Variants in ASPM observed in about 807,000 individuals in gnomAD.
The protein encoded by ASPM is abnormal spindle-like microcephaly-associated protein.
A neutral mutation model predicts 366.4 loss-of-function variants in ASPM; 256 were observed. That is an observed-to-expected ratio of 0.70 (90% CI 0.63 to 0.77). The LOEUF is 0.77. Ranked by LOEUF, ASPM falls within the 30% of genes least tolerant of loss-of-function variation. The pLI is 0.00. For missense variants in ASPM, 4,146 were observed against 4,090.4 expected (o/e 1.01, Z -0.37); for synonymous variants, 1,414 against 1,342.9 (o/e 1.05, Z -1.16).
At position 197,105,239 on chromosome 1, in the gene ASPM, AAC is replaced by A. The variant is rs1258063049; in HGVS notation, c.4066-56_4066-55del. The stretch of plus-strand genomic sequence containing the variant: ...AAAATAGGCATAGCTTTCTATATTT[AAC>A]ACTTTTCAAAATACTAATTTTTCTA... On this transcript the variant is annotated intron_variant, in intron 17 of 27. Transcript: ENST00000367409. The A allele has an allele frequency of 8.9e-6, 12 of 1,351,950 alleles. No individual in the cohort carries two copies. In the African/African-American group the frequency reaches 1.6e-4, roughly 18 times the overall value. 83.7% of individuals were successfully genotyped at this position (1,351,950 alleles called of 1,614,324 possible). A position where few individuals can be genotyped will look rare whatever the true frequency, so the allele number is the denominator to read the frequency against.
At chr1:197,094,775 T>A (rs1656915358) in intron 19 of ASPM, among the ~76,000 whole-genome samples, 1 of 151,726 alleles carries the variant, frequency 6.6e-6, no homozygotes, top group Non-Finnish European at 1.5e-5. Flanking sequence ...TGGACAGGTT[T>A]TCTACTCTGT....
At chr1:197,093,303 A>G in intron 20 of ASPM, 42 bp from the exon 21 acceptor site, 1 of 1,515,386 alleles carries the variant, frequency 6.6e-7, no homozygotes, top group Non-Finnish European at 9.1e-7. Flanking sequence ...GGGTAGAAAG[A>G]AAAAGATTTC....
chr1:197,102,906 G>A lies in ASPM; in HGVS notation c.6345C>T (p.His2115=), dbSNP rs761923451. The A allele has an allele frequency of 6.2e-7, 1 of 1,612,688 alleles. No individual in the cohort carries two copies. The highest frequency in any genetic ancestry group is 8.5e-7 in the Non-Finnish European group (1 of 1,179,250). The part of the protein sequence containing the change: ...RGIRVRRHIQ[H]MHRAATFIKA... The stretch of plus-strand genomic sequence containing the variant: ...TAATAAAAGTGGCTGCCCTGTGCAT[G>A]TGTTGAATATGTCTTCTAACTCTAA... Residue 2115 remains histidine (H), a synonymous_variant, in exon 18 of 28, where the codon CAC becomes CAT. Coordinates refer to ENST00000367409, the MANE Select transcript of ASPM (RefSeq NM_018136.5).
rs1401832879 is a variant in ASPM at position 197,103,130 on chromosome 1, T to G, written c.6121A>C (p.Lys2041Gln). ...GTGACTGCTGCTTTGTTGCAATCCTTTATTCTTTTTCTCACTTTCATACCA... is the reference window on the plus strand; with the variant it reads ...GTGACTGCTGCTTTGTTGCAATCCTGTATTCTTTTTCTCACTTTCATACCA... ...YRGMKVRKRI[K>Q]DCNKAAVTIQ... The change falls in exon 18 of 28, where the codon AAG becomes CAG. Residue 2041 changes from lysine to glutamine, a missense_variant. Physicochemically the swap from Lys to Gln is moderately conservative, Grantham distance 53. This residue lies in a region of ASPM where 3,624 missense variants were observed against 3,591.7 expected (regional missense o/e 1.01). Coordinates refer to ENST00000367409, the MANE Select transcript of ASPM (RefSeq NM_018136.5). 6.2e-7 allele frequency: 1 copy of G among 1,612,822 alleles called. No homozygotes were observed. The highest frequency in any genetic ancestry group is 1.1e-5 in the South Asian group (1 of 91,056).
Position 197,103,903 on chromosome 1 carries a change from T to C in ASPM, c.5348A>G (p.Asn1783Ser). The change falls in exon 18 of 28, where the codon AAT (asparagine) becomes AGT (serine). Residue 1783 changes from asparagine to serine, a missense_variant. Physicochemically the swap from Asn to Ser is conservative, Grantham distance 46 (BLOSUM62 1). Transcript: ENST00000367409. ...KMYKAIIVIQNYYHAYKAQVN... is the reference protein window; with the variant it reads ...KMYKAIIVIQSYYHAYKAQVN... ...CTGTGCTTTGTATGCATGATAGTAA[T>C]TCTGAATGACAATAATTGCTTTATA... The C allele has an allele frequency of 6.2e-7, 1 of 1,612,802 alleles. No individual in the cohort carries two copies. Among genetic ancestry groups the C allele is most frequent in the South Asian group, 1.1e-5 (1 of 91,064 alleles).
rs1312073943 is a variant in ASPM, at chr1:197,100,422, T to C, written c.8820+9A>G. On this transcript the variant is annotated intron_variant, in intron 18 of 27. Transcript: ENST00000367409. The stretch of plus-strand genomic sequence containing the variant: ...CACAGTTTTATATTTAAATTAAATA[T>C]AGAAATACCTGAATTTTTATGGTGC... 21 of 1,460,230 alleles carry C rather than the reference T, an allele frequency of 1.4e-5. No homozygotes were observed. The highest frequency in any genetic ancestry group is 1.9e-5 in the Non-Finnish European group (20 of 1,079,524). The allele number at this position is 1,460,230 out of a possible 1,614,324, so 90.5% of individuals were successfully genotyped here. A position where few individuals can be genotyped will look rare whatever the true frequency, so the allele number is the denominator to read the frequency against.
chr1:197,133,043 T>C (rs766090144), intron 6 of ASPM, among the ~76,000 whole-genome samples: 3 of 152,066 alleles, frequency 2.0e-5, no homozygotes, highest in Non-Finnish European at 2.9e-5. Context: ...ATTCTGGAGA[T>C]CGAATGTACA....
chr1:197,121,969 G>A lies in ASPM; in HGVS notation c.3816C>T (p.Leu1272=), dbSNP rs1557955387. The change falls in exon 16 of 28, where the codon CTC becomes CTT. Residue 1272 remains leucine, a synonymous_variant. Transcript: ENST00000367409. Reference sequence around the variant, plus strand: ...TATATTTTCTCCATGTTGTTTGTATGAGTCGAGCAGCTCTTATTTCTTTAC... The same window carrying A: ...TATATTTTCTCCATGTTGTTTGTATAAGTCGAGCAGCTCTTATTTCTTTAC... The part of the protein sequence containing the change: ...DLRKEIRAAR[L]IQTTWRKYKL... The A allele has an allele frequency of 6.2e-7, 1 of 1,611,346 alleles. No individual in the cohort carries two copies. The highest frequency in any genetic ancestry group is 8.5e-7 in the Non-Finnish European group (1 of 1,177,798).
At position 197,100,972 on chromosome 1, in the gene ASPM, T is replaced by C. The variant is rs758282756; in HGVS notation, c.8279A>G (p.Asn2760Ser). The C allele has an allele frequency of 1.2e-6, 2 of 1,612,560 alleles. No individual in the cohort carries two copies. Among genetic ancestry groups the C allele is most frequent in the Non-Finnish European group, 1.7e-6 (2 of 1,179,116 alleles). Residue 2760 changes from asparagine (N) to serine (S), a missense_variant, in exon 18 of 28, where the codon AAT becomes AGT. Asn to Ser is a conservative substitution (Grantham distance 46). This residue lies in a region of ASPM where 3,624 missense variants were observed against 3,591.7 expected (regional missense o/e 1.01). Transcript: ENST00000367409. ...RGMKVRQKLK[N>S]VSEEKMAAIV... ...GGCTGCCATCTTTTCCTCTGATACATTTTTCAATTTTTGTCTAACTTTCAT... is the reference window on the plus strand; with the variant it reads ...GGCTGCCATCTTTTCCTCTGATACACTTTTCAATTTTTGTCTAACTTTCAT...
Position 197,100,455 on chromosome 1 carries a change from A to C in ASPM, c.8796T>G (p.Ile2932Met). Residue 2932 changes from isoleucine (I) to methionine (M), a missense_variant, in exon 18 of 28, where the codon ATT (isoleucine) becomes ATG (methionine). Ile to Met is a conservative substitution (Grantham distance 10). This residue lies in a region of ASPM where 3,624 missense variants were observed against 3,591.7 expected (regional missense o/e 1.01). Coordinates refer to ENST00000367409, the MANE Select transcript of ASPM (RefSeq NM_018136.5). ...CCTGAATTTTTATGGTGCTATTTTT[A>C]ATTTCCTGAAACTTCCGTTTCTGTA... ...GFIQKRKFQEIKNSTIKIQAM... is the reference protein window; with the variant it reads ...GFIQKRKFQEMKNSTIKIQAM... The C allele has an allele frequency of 6.4e-7, 1 of 1,562,630 alleles. No homozygotes were observed. The highest frequency in any genetic ancestry group is 8.7e-7 in the Non-Finnish European group (1 of 1,153,282).
chr1:197,116,444 A>C lies in ASPM; in HGVS notation c.4065+1345T>G, dbSNP rs78277456. On this transcript the variant is annotated intron_variant, in intron 17 of 27. Coordinates refer to ENST00000367409, the MANE Select transcript of ASPM (RefSeq NM_018136.5). ...TTACCAAACTATGACACAAACACAAAGTGAGCATATCCTGTTGGAAAAAGT... is the reference window on the plus strand; with the variant it reads ...TTACCAAACTATGACACAAACACAACGTGAGCATATCCTGTTGGAAAAAGT... 2.4e-4 allele frequency among the ~76,000 whole-genome samples: 36 copies of C among 152,300 alleles called. 3 individuals carry two copies. In the East Asian group the frequency reaches 6.9e-3, roughly 29 times the overall value.
intron 25 of ASPM, 44 bp downstream of exon 25, chr1:197,089,886 A>G: frequency 6.3e-7 from 1 of 1,588,828 alleles, no homozygotes; most frequent in Middle Eastern, 1.7e-4. Context: ...GCAGGGGCAT[A>G]TTTGTTGACC....
At position 197,102,669 on chromosome 1, in the gene ASPM, T is replaced by A; in HGVS notation, c.6582A>T (p.Thr2194=). 5.0e-6 allele frequency: 8 copies of A among 1,612,710 alleles called. No homozygotes were observed. Among genetic ancestry groups the A allele is most frequent in the Admixed American group, 1.7e-5 (1 of 59,776 alleles). The stretch of plus-strand genomic sequence containing the variant: ...ATCTTCTGTAGTTTGACTGAATGAG[T>A]GTTGCTGCAGTCTGCATCTTTCTAA... ...RTLRKMQTAA[T]LIQSNYRRYR... is the part of the protein sequence containing the mutation. Residue 2194 remains threonine, a synonymous_variant, in exon 18 of 28, where the codon ACA becomes ACT. Coordinates refer to ENST00000367409, the MANE Select transcript of ASPM (RefSeq NM_018136.5).
Position 197,103,063 on chromosome 1 carries a change from T to C in ASPM, c.6188A>G (p.Tyr2063Cys), listed in dbSNP as rs1436435352. 2.4e-5 allele frequency: 38 copies of C among 1,612,436 alleles called. No individual in the cohort carries two copies. Among genetic ancestry groups the C allele is most frequent in the Non-Finnish European group, 3.1e-5 (36 of 1,179,228 alleles). The change falls in exon 18 of 28, where the codon TAT becomes TGT. Residue 2063 changes from tyrosine to cysteine, a missense_variant. Transcript: ENST00000367409. ...AATAGCTGAAGCTCTATAGGTTGCA[T>C]ATTTCTTTTTGGTTTTGTAAGCTCT... ...KYRAYKTKKK[Y>C]ATYRASAIII...
chr1:197,111,737 C>T (rs1250674175), intron 17 of ASPM, among the ~76,000 whole-genome samples: 1 of 151,848 alleles, frequency 6.6e-6, no homozygotes, highest in African/African-American at 2.4e-5. Context: ...TGGAGACATA[C>T]ATGCAGCCAA....
rs1656667925 is a variant in ASPM, at chr1:197,088,407, T to G, written c.10010A>C (p.Tyr3337Ser). 2 of 1,606,760 alleles carry G rather than the reference T, an allele frequency of 1.2e-6. No homozygotes were observed. The highest frequency in any genetic ancestry group is 2.7e-5 in the African/African-American group (2 of 74,722). Reference protein sequence around the residue: ...SKYEKTTSAVYDVENCIDILL... With the variant: ...SKYEKTTSAVSDVENCIDILL... Reference sequence around the variant, plus strand: ...TATATCTATACAATTTTCTACATCATAAACTGCTGAAGTAGTTTTCTCATA... The same window carrying G: ...TATATCTATACAATTTTCTACATCAGAAACTGCTGAAGTAGTTTTCTCATA... Residue 3337 changes from tyrosine to serine, a missense_variant, in exon 26 of 28, where the codon TAT becomes TCT. By Grantham distance (144) the Tyr-to-Ser change is moderately radical. Around this residue, in one of 3 missense-constraint regions of ASPM, gnomAD observed 3,624 missense variants for 3,591.7 expected, o/e 1.01. Coordinates refer to ENST00000367409, the MANE Select transcript of ASPM (RefSeq NM_018136.5).
chr1:197,089,948 G>A lies in ASPM; in HGVS notation c.9966C>T (p.Val3322=). 1 of 1,613,132 alleles carries A rather than the reference G, an allele frequency of 6.2e-7. No homozygotes were observed. The highest frequency in any genetic ancestry group is 2.2e-5 in the East Asian group (1 of 44,802). The change falls in exon 25 of 28, where the codon GTC becomes GTT. Residue 3322 remains valine (V), a synonymous_variant. Coordinates refer to ENST00000367409, the MANE Select transcript of ASPM (RefSeq NM_018136.5). ...AAACTACCTTAGATACATTAAGCAA[G>A]ACTTGCACAGCATATCTGATGACTT... ...CMEVIRYAVQ[V]LLNVSKYEKT... is the part of the protein sequence containing the mutation.
intron 5 of ASPM, 68 bp downstream of exon 5, chr1:197,135,028 A>G: frequency 8.2e-7 from 1 of 1,217,214 alleles, no homozygotes; most frequent in African/African-American, 1.5e-5. Flanking sequence ...TTAAAGAATG[A>G]CAAACGATGT....
Position 197,084,446 on chromosome 1 carries a change from AGTCTGGCATT to A in ASPM, c.10332-30_10332-21del. 8.1e-6 allele frequency: 12 copies of A among 1,485,970 alleles called. No individual in the cohort carries two copies. Among genetic ancestry groups the A allele is most frequent in the Non-Finnish European group, 1.0e-5 (11 of 1,070,924 alleles). 92.0% of individuals were successfully genotyped at this position (1,485,970 alleles called of 1,614,324 possible). A position where few individuals can be genotyped will look rare whatever the true frequency, so the allele number is the denominator to read the frequency against. The stretch of plus-strand genomic sequence containing the variant: ...TTAAGTCTGTTAAAAAAAAAAAAAA[AGTCTGGCATT>A]AATAAAGTTCTTCTCTTTAGAGTTA... On this transcript the variant is annotated intron_variant, in intron 27 of 27. Coordinates refer to ENST00000367409, the MANE Select transcript of ASPM (RefSeq NM_018136.5).
Sources: allele counts gnomAD v4.1 joint callset (sites outside exome capture counted in the v4.1 genomes callset), GRCh38; gene constraint gnomAD v4.1.1; regional missense constraint gnomAD v4.1.1; transcripts MANE v1.5; gene names NCBI Gene and HGNC (gene_info 2026-07-23, HGNC 2026-07-21).